Variants in HECW2 observed in about 807,000 individuals in gnomAD.
HECW2 encodes HECT, C2 and WW domain containing E3 ubiquitin protein ligase 2.
Under a neutral mutation model 175.2 loss-of-function variants are expected in HECW2, and 61 were observed. The ratio of observed to expected loss-of-function variants is 0.35; its 90% CI spans 0.28 to 0.43. The LOEUF (loss-of-function observed/expected upper bound fraction) is 0.43. Ranked by LOEUF, HECW2 falls within the 20% of genes least tolerant of loss-of-function variation. HECW2 has a pLI of 1.00. For missense variants in HECW2, 1,524 were observed against 2,000.5 expected, an observed-to-expected ratio of 0.76 and a Z score of 4.54; for synonymous variants, 671 against 731.0, an observed-to-expected ratio of 0.92 and a Z score of 1.32.
intron 1 of HECW2, among the ~76,000 whole-genome samples, chr2:196,475,360 G>C (rs991158028): frequency 6.6e-6 from 1 of 150,576 alleles, no homozygotes; most frequent in Non-Finnish European, 1.5e-5. Flanking sequence ...GATGCGCAAA[G>C]GGAAGAGGGG....
chr2:196,275,890 T>C (rs1004061097), intron 15 of HECW2, among the ~76,000 whole-genome samples: 10 of 152,204 alleles, frequency 6.6e-5, no homozygotes, highest in Middle Eastern at 3.2e-3. Context: ...CTGAATGGAA[T>C]ATTTGCTGAA....
chr2:196,299,632 A>G (rs1232758290), intron 13 of HECW2, among the ~76,000 whole-genome samples: 4 of 152,218 alleles, frequency 2.6e-5, no homozygotes, highest in Non-Finnish European at 5.9e-5. Context: ...CACCAAGTTT[A>G]AAAACCACAG....
At chr2:196,563,383 T>C (rs1028968118) in intron 1 of HECW2, among the ~76,000 whole-genome samples, 12 of 151,706 alleles carry the variant, frequency 7.9e-5, no homozygotes, top group Non-Finnish European at 1.3e-4. Context: ...CTGGCCAAAA[T>C]GGCAAAACCC....
chr2:196,518,945 T>A (rs537483386), intron 1 of HECW2, among the ~76,000 whole-genome samples: 1 of 152,310 alleles, frequency 6.6e-6, no homozygotes, highest in South Asian at 2.1e-4. Flanking sequence ...AACCTGAACA[T>A]GTCATTTCTC....
chr2:196,241,011 A>AG (rs1688432933), intron 20 of HECW2, among the ~76,000 whole-genome samples: 1 of 29,910 alleles, frequency 3.3e-5, no homozygotes, highest in Non-Finnish European at 3.4e-4. Flanking sequence ...GAGAACAAAG[A>AG]GGAAAAAAAA....
chr2:196,451,431 CAAAAAAAAAA>C (rs1383013336), intron 1 of HECW2, among the ~76,000 whole-genome samples: 1 of 65,924 alleles, frequency 1.5e-5, no homozygotes, highest in Non-Finnish European at 3.2e-5. Context: ...GACTCCGTCT[CAAAAAAAAAA>C]AAAAAAAAGA....
At chr2:196,433,885 A>G (rs1256897591) in intron 1 of HECW2, among the ~76,000 whole-genome samples, 2 of 152,216 alleles carry the variant, frequency 1.3e-5, no homozygotes, top group African/African-American at 2.4e-5. Context: ...GTTGAAGTAC[A>G]CCATTAAGTA....
At chr2:196,509,040 A>C (rs759587070) in intron 1 of HECW2, among the ~76,000 whole-genome samples, 23 of 152,170 alleles carry the variant, frequency 1.5e-4, no homozygotes, top group Admixed American at 9.2e-4. Context: ...TGCACTCCAG[A>C]CAAAAGTAAG....
intron 2 of HECW2, among the ~76,000 whole-genome samples, chr2:196,383,841 T>C (rs1244093128): frequency 6.6e-6 from 1 of 152,208 alleles, no homozygotes; most frequent in Non-Finnish European, 1.5e-5. Context: ...AACATGGAAA[T>C]CATATTCTCA....
intron 1 of HECW2, among the ~76,000 whole-genome samples, chr2:196,459,140 T>A (rs12992990): frequency 6.6e-6 from 1 of 152,200 alleles, no homozygotes; most frequent in Non-Finnish European, 1.5e-5. Context: ...TGTTAAATTC[T>A]GCACATAAGT....
At chr2:196,278,745 C>G in intron 14 of HECW2, 83 bp from the exon 15 acceptor site, 1 of 1,458,842 alleles carries the variant, frequency 6.9e-7, no homozygotes, top group Non-Finnish European at 9.6e-7. Context: ...GGAAAAGACT[C>G]ACTTCTGAGT....
intron 14 of HECW2, among the ~76,000 whole-genome samples, chr2:196,281,980 C>T (rs1443987438): frequency 6.6e-6 from 1 of 152,130 alleles, no homozygotes; most frequent in Non-Finnish European, 1.5e-5. Context: ...TGAGATAGTT[C>T]ATATGAATTT....
intron 1 of HECW2, among the ~76,000 whole-genome samples, chr2:196,549,614 C>T (rs114631227): frequency 0.011 from 1,690 of 150,448 alleles, 15 homozygotes; most frequent in Middle Eastern, 0.017. Context: ...TTTTTAACAT[C>T]CCCACATCCT....
intron 1 of HECW2, among the ~76,000 whole-genome samples, chr2:196,480,747 C>T (rs1686813181): frequency 6.6e-6 from 1 of 152,308 alleles, no homozygotes; most frequent in South Asian, 2.1e-4. Context: ...AAAATATTCT[C>T]TTCTTGCTTA....
intron 1 of HECW2, among the ~76,000 whole-genome samples, chr2:196,523,412 C>T (rs532588765): frequency 8.6e-5 from 13 of 151,874 alleles, no homozygotes; most frequent in Non-Finnish European, 1.8e-4. Context: ...ACAATCATGC[C>T]GTCTGCAAAC....
intron 1 of HECW2, among the ~76,000 whole-genome samples, chr2:196,581,792 C>A (rs117615007): frequency 1.3e-5 from 2 of 152,026 alleles, no homozygotes; most frequent in Non-Finnish European, 2.9e-5. Flanking sequence ...CATGGACAGG[C>A]GCGGTGGCTC....
intron 21 of HECW2, among the ~76,000 whole-genome samples, chr2:196,229,616 G>A (rs1178195466): frequency 6.6e-6 from 1 of 152,174 alleles, no homozygotes; most frequent in Non-Finnish European, 1.5e-5. Context: ...AGAGTTTGAG[G>A]CTGCGTGAGC....
At chr2:196,313,756 G>A (rs1334823776) in intron 10 of HECW2, among the ~76,000 whole-genome samples, 1 of 152,066 alleles carries the variant, frequency 6.6e-6, no homozygotes, top group East Asian at 1.9e-4. Context: ...TAAAGAGAAA[G>A]AAAAAAGAAT....
chr2:196,306,704 T>A, intron 12 of HECW2, 92 bp from the exon 13 acceptor site: 1 of 1,252,884 alleles, frequency 8.0e-7, no homozygotes, highest in Non-Finnish European at 1.1e-6. Context: ...AAAAGAATCA[T>A]AGGATACCTA....
Sources: allele counts gnomAD v4.1 joint callset (sites outside exome capture counted in the v4.1 genomes callset), GRCh38; gene constraint gnomAD v4.1.1; transcripts MANE v1.5; gene names NCBI Gene and HGNC (gene_info 2026-07-23, HGNC 2026-07-21).